RCN1: variants seen among roughly 807,000 people sequenced by gnomAD.
The protein encoded by RCN1 is reticulocalbin-1.
Under a neutral mutation model 34.7 loss-of-function variants are expected in RCN1, and 14 were observed. The ratio of observed to expected loss-of-function variants is 0.40; its 90% CI spans 0.27 to 0.63. The LOEUF is 0.63. Ranked by LOEUF, RCN1 falls within the 30% of genes least tolerant of loss-of-function variation. The pLI, the probability that RCN1 is intolerant of heterozygous loss-of-function variation, is 0.37. For missense variants in RCN1, 326 were observed against 425.1 expected (o/e 0.77, Z 2.05); for synonymous variants, 125 against 165.5 (o/e 0.76, Z 1.88).
Position 32,098,369 on chromosome 11 carries a change from T to C in RCN1, c.468T>C (p.His156=), listed in dbSNP as rs1851996659. The change falls in exon 3 of 6, where the codon CAT becomes CAC. Residue 156 remains histidine (H), a synonymous_variant. Coordinates refer to ENST00000054950, the MANE Select transcript of RCN1 (RefSeq NM_002901.4). ...CTGCAGGAAACCCCGCAGAGTTTCA[T>C]GATTCTTCAGATCATCACACCTTTA... ...GYYLGNPAEF[H]DSSDHHTFKK... The C allele has an allele frequency of 2.5e-6, 4 of 1,612,126 alleles. No individual in the cohort carries two copies. The highest frequency in any genetic ancestry group is 3.4e-6 in the Non-Finnish European group (4 of 1,179,498).
In RCN1 at chr11:32,105,333, G is replaced by A. The variant is rs1327530075; in HGVS notation, c.*861G>A. ...TGGTGGGATCCTTGGGAAGCCAAAC[G>A]GAGCGGAGTTCTGGATCATGTCCCA... On this transcript the variant is annotated 3_prime_UTR_variant, in exon 6 of 6. Transcript: ENST00000054950. 4.4e-5 allele frequency: 7 copies of A among 158,192 alleles called. No homozygotes were observed. Among genetic ancestry groups the A allele is most frequent in the Non-Finnish European group, 7.3e-5 (5 of 68,086 alleles). 9.8% of individuals were successfully genotyped at this position (158,192 alleles called of 1,614,324 possible).
At chr11:32,100,252 G>A (rs1317798232) in intron 3 of RCN1, among the ~76,000 whole-genome samples, 3 of 152,214 alleles carry the variant, frequency 2.0e-5, no homozygotes, top group African/African-American at 7.2e-5. Flanking sequence ...GCTGGATGGT[G>A]GAGTTAGTTG....
rs1200336549 is a variant in RCN1 at position 32,091,292 on chromosome 11, G to C, written c.96G>C (p.Thr32=). Residue 32 remains threonine (T), a synonymous_variant, in exon 1 of 6, where the codon ACG becomes ACC. Transcript: ENST00000054950. The part of the protein sequence containing the change: ...LAPRVLRAKP[T]VRKERVVRPD... ...CGCGGGTTCTGCGGGCCAAGCCCAC[G>C]GTGCGCAAAGAGCGCGTGGTGCGGC... 4.9e-5 allele frequency: 75 copies of C among 1,544,272 alleles called. No individual in the cohort carries two copies. Among genetic ancestry groups the C allele is most frequent in the South Asian group, 1.1e-4 (9 of 83,424 alleles).
intron 2 of RCN1, 105 bp from the exon 3 acceptor site, chr11:32,098,245 T>C (rs1312123114): frequency 2.0e-6 from 2 of 1,025,638 alleles, no homozygotes; most frequent in Admixed American, 2.5e-5. Context: ...CGGGACCTTT[T>C]TTCCCTATAT....
intron 1 of RCN1, among the ~76,000 whole-genome samples, chr11:32,093,414 G>A (rs562449132): frequency 2.6e-5 from 4 of 152,166 alleles, no homozygotes; most frequent in Non-Finnish European, 5.9e-5. Flanking sequence ...AGACAAACTA[G>A]CCATTATGCA....
intron 1 of RCN1, among the ~76,000 whole-genome samples, chr11:32,094,568 T>C (rs1435504432): frequency 1.3e-5 from 2 of 152,184 alleles, no homozygotes; most frequent in Non-Finnish European, 2.9e-5. Context: ...ATGGAGTTGG[T>C]CTGGGTTTGC....
In RCN1 at chr11:32,105,586, T is replaced by C. The variant is rs890809271; in HGVS notation, c.*1114T>C. 2 of 152,216 alleles carry C rather than the reference T, an allele frequency of 1.3e-5. No homozygotes were observed. Among genetic ancestry groups the C allele is most frequent in the Admixed American group, 6.5e-5 (1 of 15,286 alleles). The allele number at this position is 152,216 out of a possible 1,614,324, so 9.4% of individuals were successfully genotyped here. ...TTCACAGATGCTATTTGTGACATTA[T>C]TCATATAGCATAAAACAGTGGGGTT... On this transcript the variant is annotated 3_prime_UTR_variant, in exon 6 of 6. Coordinates refer to ENST00000054950, the MANE Select transcript of RCN1 (RefSeq NM_002901.4).
rs1851996810 is a variant in RCN1, at chr11:32,098,375, TTCAGATCA to T, written c.478_485del (p.Asp160HisfsTer3). On this transcript the variant is annotated frameshift_variant, in exon 3 of 6. Coordinates refer to ENST00000054950, the MANE Select transcript of RCN1 (RefSeq NM_002901.4). LOFTEE classifies it high-confidence loss of function. ...GAAACCCCGCAGAGTTTCATGATTC[TTCAGATCA>T]TCACACCTTTAAAAAGATGCTGCCA... The T allele has an allele frequency of 6.2e-7, 1 of 1,612,940 alleles. No homozygotes were observed. The highest frequency in any genetic ancestry group is 1.3e-5 in the African/African-American group (1 of 74,880).
intron 1 of RCN1, among the ~76,000 whole-genome samples, chr11:32,094,099 T>C (rs1590217343): frequency 1.3e-5 from 2 of 152,164 alleles, no homozygotes; most frequent in African/African-American, 4.8e-5. Flanking sequence ...CTGGAAATTA[T>C]GGGTCCTGTT....
At chr11:32,098,115 C>T (rs947113009) in intron 2 of RCN1, among the ~76,000 whole-genome samples, 3 of 152,304 alleles carry the variant, frequency 2.0e-5, no homozygotes, top group South Asian at 2.1e-4. Context: ...CTAAAGCCTG[C>T]GCTCTTAACC....
chr11:32,091,157 C>A lies in RCN1; in HGVS notation c.-40C>A. 3 of 1,388,940 alleles carry A rather than the reference C, an allele frequency of 2.2e-6. No homozygotes were observed. The highest frequency in any genetic ancestry group is 1.7e-5 in the South Asian group (1 of 60,280). The allele number at this position is 1,388,940 out of a possible 1,614,324, so 86.0% of individuals were successfully genotyped here. A position where few individuals can be genotyped will look rare whatever the true frequency, so the allele number is the denominator to read the frequency against. ...TTCCCGAGCTGCCGCTGTTGTCGCT[C>A]GCTCAGCGTCTCCCTCTCGGCCGCC... On this transcript the variant is annotated 5_prime_UTR_variant, in exon 1 of 6. Coordinates refer to ENST00000054950, the MANE Select transcript of RCN1 (RefSeq NM_002901.4).
At chr11:32,095,493 A>T (rs1251340770) in intron 1 of RCN1, among the ~76,000 whole-genome samples, 2 of 151,906 alleles carry the variant, frequency 1.3e-5, no homozygotes, top group Non-Finnish European at 2.9e-5. Context: ...CTGCAAGCTC[A>T]GCTTCCCAGG....
At position 32,091,405 on chromosome 11, in the gene RCN1, A is replaced by C; in HGVS notation, c.209A>C (p.Lys70Thr). Residue 70 changes from lysine (K) to threonine (T), a missense_variant, in exon 1 of 6, where the codon AAG (lysine) becomes ACG (threonine). Coordinates refer to ENST00000054950, the MANE Select transcript of RCN1 (RefSeq NM_002901.4). ...HEAFLGKEDS[K>T]TFDQLTPDES... Reference sequence around the variant, plus strand: ...GCCTTCCTGGGCAAGGAGGACTCCAAGACCTTCGACCAGCTCACCCCGGAC... The same window carrying C: ...GCCTTCCTGGGCAAGGAGGACTCCACGACCTTCGACCAGCTCACCCCGGAC... 1.3e-6 allele frequency: 2 copies of C among 1,549,148 alleles called. No homozygotes were observed. The highest frequency in any genetic ancestry group is 1.7e-6 in the Non-Finnish European group (2 of 1,146,162).
rs767646275 is a variant in RCN1 at position 32,091,458 on chromosome 11, C to G, written c.254+8C>G. 1 of 1,541,086 alleles carries G rather than the reference C, an allele frequency of 6.5e-7. No individual in the cohort carries two copies. The highest frequency in any genetic ancestry group is 1.4e-5 in the African/African-American group (1 of 71,908). Reference sequence around the variant, plus strand: ...GAGCAAGGAGAGGCTAGGGTGAGGCCGCGGCCAGGGCCCCGTGGGGGGCGG... The same window carrying G: ...GAGCAAGGAGAGGCTAGGGTGAGGCGGCGGCCAGGGCCCCGTGGGGGGCGG... On this transcript the variant is annotated splice_region_variant and intron_variant, in intron 1 of 5. Transcript: ENST00000054950.
Position 32,091,121 on chromosome 11 carries a change from C to T in RCN1, c.-76C>T. On this transcript the variant is annotated 5_prime_UTR_variant, in exon 1 of 6. Coordinates refer to ENST00000054950, the MANE Select transcript of RCN1 (RefSeq NM_002901.4). Reference sequence around the variant, plus strand: ...CCAACCCTGTCGCTGCCGCCGCGCTCCGAGTCCCCATTCCCGAGCTGCCGC... The same window carrying T: ...CCAACCCTGTCGCTGCCGCCGCGCTTCGAGTCCCCATTCCCGAGCTGCCGC... 1 of 1,366,342 alleles carries T rather than the reference C, an allele frequency of 7.3e-7. No homozygotes were observed. The highest frequency in any genetic ancestry group is 9.4e-7 in the Non-Finnish European group (1 of 1,066,836). 84.6% of individuals were successfully genotyped at this position (1,366,342 alleles called of 1,614,324 possible).
intron 3 of RCN1, 69 bp from the exon 4 acceptor site, chr11:32,100,479 A>G: frequency 7.9e-7 from 1 of 1,260,990 alleles, no homozygotes; most frequent in Non-Finnish European, 1.2e-6. Flanking sequence ...ACAAATGAGG[A>G]CAATAGAATT....
In RCN1 at chr11:32,100,563, A is replaced by G. The variant is rs200822285; in HGVS notation, c.643A>G (p.Ile215Val). ...TGCTTCCTAGGAAACCCTGGAGGAC[A>G]TCGACAAGAACGGGGATGGGTTTGT... ...EIVVLETLEDIDKNGDGFVDQ... is the reference protein window; with the variant it reads ...EIVVLETLEDVDKNGDGFVDQ... The change falls in exon 4 of 6, where the codon ATC becomes GTC. Residue 215 changes from isoleucine to valine, a missense_variant. Coordinates refer to ENST00000054950, the MANE Select transcript of RCN1 (RefSeq NM_002901.4). 5.4e-5 allele frequency: 87 copies of G among 1,614,098 alleles called. No homozygotes were observed. In the East Asian group the frequency reaches 1.9e-3, roughly 35 times the overall value.
chr11:32,097,464 T>G, intron 2 of RCN1, 127 bp downstream of exon 2: 1 of 555,916 alleles, frequency 1.8e-6, no homozygotes, highest in Non-Finnish European at 3.0e-6. Context: ...TAGAACCTGC[T>G]TGTATAACAC....
chr11:32,099,320 CA>C (rs201133722), intron 3 of RCN1, among the ~76,000 whole-genome samples: 234 of 120,754 alleles, frequency 1.9e-3, no homozygotes, highest in Middle Eastern at 9.3e-3. Flanking sequence ...GACTCCTTCT[CA>C]AAAAAAAAAA....
Sources: allele counts gnomAD v4.1 joint callset (sites outside exome capture counted in the v4.1 genomes callset), GRCh38; gene constraint gnomAD v4.1.1; transcripts MANE v1.5; gene names NCBI Gene and HGNC (gene_info 2026-07-23, HGNC 2026-07-21).